IGSF10: variants seen among roughly 807,000 people sequenced by gnomAD.
IGSF10 encodes the protein calvaria mechanical force protein 608.
Under a neutral mutation model 128.2 loss-of-function variants are expected in IGSF10, and 126 were observed. That is an observed-to-expected ratio of 0.98 (90% CI 0.85 to 1.14). The LOEUF (loss-of-function observed/expected upper bound fraction) is 1.14, where lower values mean the gene tolerates loss of function less well. Ranked by LOEUF, IGSF10 falls within the 50% of genes most tolerant of loss-of-function variation. The probability of loss-of-function intolerance (pLI) is 0.00; values close to 1 mark genes in which losing one functional copy is unlikely to be tolerated. For missense variants in IGSF10, 3,295 were observed against 3,149.8 expected (o/e 1.05, Z -1.10); for synonymous variants, 1,185 against 1,146.2 (o/e 1.03, Z -0.68).
intron 7 of IGSF10, among the ~76,000 whole-genome samples, chr3:151,441,951 C>T (rs1291426190): frequency 6.6e-6 from 1 of 152,176 alleles, no homozygotes; most frequent in African/African-American, 2.4e-5. Flanking sequence ...GTCCCAGCTA[C>T]TCAGGAGGCT....
the IGSF10 span, among the ~76,000 whole-genome samples, chr3:151,486,801 A>G: frequency 6.6e-6 from 1 of 152,236 alleles, no homozygotes; most frequent in Non-Finnish European, 1.5e-5. Flanking sequence ...ACAAAGACAC[A>G]ATGTACCAGA....
the IGSF10 span, among the ~76,000 whole-genome samples, chr3:151,565,184 G>A: frequency 0.71 from 108,274 of 152,040 alleles, 38,668 homozygotes; most frequent in South Asian, 0.77. Flanking sequence ...GACAATTGCT[G>A]TGTGAATTAT....
upstream of IGSF10, among the ~76,000 whole-genome samples, chr3:151,463,538 T>TG (rs1722153576): frequency 1.9e-5 from 2 of 106,658 alleles, no homozygotes; most frequent in African/African-American, 7.9e-5. Context: ...TTTTTTTTTT[T>TG]TTTTTTTTTT....
At chr3:151,575,186 C>T in the IGSF10 span, among the ~76,000 whole-genome samples, 3 of 152,220 alleles carry the variant, frequency 2.0e-5, no homozygotes, top group Non-Finnish European at 2.9e-5. Flanking sequence ...AGTTAGGCTA[C>T]ACGGGGATCA....
At chr3:151,458,104 A>G (rs1436340623) in intron 3 of IGSF10, among the ~76,000 whole-genome samples, 1 of 151,716 alleles carries the variant, frequency 6.6e-6, no homozygotes, top group African/African-American at 2.4e-5. Flanking sequence ...GCCTATAAAA[A>G]GGATACATAT....
At chr3:151,613,975 A>T in the IGSF10 span, among the ~76,000 whole-genome samples, 1 of 152,234 alleles carries the variant, frequency 6.6e-6, no homozygotes, top group East Asian at 1.9e-4. Context: ...AAACAAATTT[A>T]CAAGAAAAAA....
chr3:151,433,296 A>C (rs571532548), downstream of IGSF10: 1 of 153,190 alleles, frequency 6.5e-6, no homozygotes, highest in Admixed American at 6.5e-5. Context: ...GTGATGGTGA[A>C]ACGGACATTT....
At position 151,438,366 on chromosome 3, in the gene IGSF10, G is replaced by A. The variant is rs1560171357; in HGVS notation, c.6195C>T (p.Ser2065=). The A allele has an allele frequency of 5.0e-6, 8 of 1,614,146 alleles. No homozygotes were observed. Among genetic ancestry groups the A allele is most frequent in the African/African-American group, 1.3e-5 (1 of 75,036 alleles). ...AACTCCAAGATATCTCTGGCACTGG[G>A]GAGCCGGAAGCTTTGCAATCTACTT... ...DFQVDCKASG[S]PVPEISWSLP... is the part of the protein sequence containing the mutation. The change falls in exon 8 of 8, where the codon TCC becomes TCT. Residue 2065 remains serine, a synonymous_variant. Transcript: ENST00000282466.
Position 151,453,558 on chromosome 3 carries a change from T to C in IGSF10, c.541A>G (p.Ile181Val). 6.2e-7 allele frequency: 1 copy of C among 1,613,952 alleles called. No individual in the cohort carries two copies. The highest frequency in any genetic ancestry group is 8.5e-7 in the Non-Finnish European group (1 of 1,179,858). Residue 181 changes from isoleucine (I) to valine (V), a missense_variant, in exon 5 of 8, where the codon ATA becomes GTA. By Grantham distance (29) the Ile-to-Val change is conservative (BLOSUM62 3). Coordinates refer to ENST00000282466, the MANE Select transcript of IGSF10 (RefSeq NM_178822.5). Reference protein sequence around the residue: ...DTFVSLSYLQIFKISFIKFLY... With the variant: ...DTFVSLSYLQVFKISFIKFLY... ...AACTTAATGAAAGAGATTTTAAATA[T>C]CTGGAGGTAGCTCAAAGAGACAAAT...
the IGSF10 span, among the ~76,000 whole-genome samples, chr3:151,487,790 T>A: frequency 5.9e-5 from 9 of 152,200 alleles, no homozygotes; most frequent in African/African-American, 2.2e-4. Context: ...CCCTTCATGC[T>A]AAAAACTCTC....
At chr3:151,547,702 C>T in the IGSF10 span, among the ~76,000 whole-genome samples, 1 of 152,212 alleles carries the variant, frequency 6.6e-6, no homozygotes, top group East Asian at 1.9e-4. Context: ...TGGTTTAAGT[C>T]TTCATCTTGG....
At chr3:151,521,994 C>T in the IGSF10 span, among the ~76,000 whole-genome samples, 1 of 151,792 alleles carries the variant, frequency 6.6e-6, no homozygotes, top group Non-Finnish European at 1.5e-5. Flanking sequence ...CAAATAAACA[C>T]AATTAGAAAT....
At chr3:151,577,130 C>T in the IGSF10 span, among the ~76,000 whole-genome samples, 5 of 152,132 alleles carry the variant, frequency 3.3e-5, no homozygotes, top group Non-Finnish European at 7.3e-5. Context: ...TATATACAAG[C>T]ATATTTATAT....
the IGSF10 span, among the ~76,000 whole-genome samples, chr3:151,471,533 T>C: frequency 6.6e-6 from 1 of 152,234 alleles, no homozygotes; most frequent in Admixed American, 6.5e-5. Flanking sequence ...GCAGAGCTTT[T>C]TGCCCTCACC....
At chr3:151,592,343 G>A in the IGSF10 span, among the ~76,000 whole-genome samples, 1 of 152,030 alleles carries the variant, frequency 6.6e-6, no homozygotes, top group African/African-American at 2.4e-5. Context: ...ACTATTTCAT[G>A]GATGTTGGCA....
At position 151,437,596 on chromosome 3, in the gene IGSF10, C is replaced by T. The variant is rs371755582; in HGVS notation, c.6965G>A (p.Ser2322Asn). Reference protein sequence around the residue: ...ICVARNEGGESVLVVQLEVLE... With the variant: ...ICVARNEGGENVLVVQLEVLE... ...TACTTCTAACTGTACTACCAACACG[C>T]TCTCTCCACCTTCATTTCGGGCCAC... The change falls in exon 8 of 8, where the codon AGC becomes AAC. Residue 2322 changes from serine (S) to asparagine (N), a missense_variant. Physicochemically the swap from Ser to Asn is conservative, Grantham distance 46. Transcript: ENST00000282466. 18 of 1,614,070 alleles carry T rather than the reference C, an allele frequency of 1.1e-5. No individual in the cohort carries two copies. The African/African-American group carries it at 2.4e-4, about 22-fold the overall frequency.
the IGSF10 span, among the ~76,000 whole-genome samples, chr3:151,483,130 A>T: frequency 2.0e-5 from 3 of 152,236 alleles, no homozygotes; most frequent in African/African-American, 7.2e-5. Flanking sequence ...GTAGAGATAA[A>T]TTTAGAGTCA....
chr3:151,543,730 T>C, the IGSF10 span, among the ~76,000 whole-genome samples: 1 of 152,066 alleles, frequency 6.6e-6, no homozygotes, highest in African/African-American at 2.4e-5. Context: ...ATATAACAAG[T>C]GGAGGTGTGC....
In IGSF10 at chr3:151,443,475, G is replaced by A. The variant is rs1482168418; in HGVS notation, c.5472C>T (p.Asn1824=). 1.2e-6 allele frequency: 2 copies of A among 1,614,214 alleles called. No homozygotes were observed. Among genetic ancestry groups the A allele is most frequent in the South Asian group, 1.1e-5 (1 of 91,086 alleles). Residue 1824 remains asparagine (N), a synonymous_variant, in exon 7 of 8, where the codon AAC becomes AAT. Coordinates refer to ENST00000282466, the MANE Select transcript of IGSF10 (RefSeq NM_178822.5). ...CCAGCAGTGAATCCTGGCCACCTGG[G>A]TTGCTGGCCACACATTTGTAAAAGC... is the stretch of plus-strand genomic sequence containing the variant. The part of the protein sequence containing the change: ...DRGFYKCVAS[N]PGGQDSLLVK...
Sources: allele counts gnomAD v4.1 joint callset (sites outside exome capture counted in the v4.1 genomes callset), GRCh38; gene constraint gnomAD v4.1.1; transcripts MANE v1.5; gene names NCBI Gene and HGNC (gene_info 2026-07-23, HGNC 2026-07-21).